The following PPP1R3B variants were observed in gnomAD, a reference collection of about 807,000 sequenced individuals.
The protein encoded by PPP1R3B is protein phosphatase 1 regulatory subunit 3B, also known as PP1 subunit R4.
In PPP1R3B, 8 loss-of-function variants were observed where a neutral mutation model predicts 14.6. The ratio of observed to expected loss-of-function variants is 0.55; its 90% CI spans 0.32 to 0.99. The LOEUF is 0.99. PPP1R3B is among the 50% of genes least tolerant of loss of function. The probability of loss-of-function intolerance (pLI) is 0.04; values close to 1 mark genes in which losing one functional copy is unlikely to be tolerated. For missense variants in PPP1R3B, 452 were observed against 360.1 expected, an observed-to-expected ratio of 1.26 and a Z score of -2.07; for synonymous variants, 169 against 142.0, an observed-to-expected ratio of 1.19 and a Z score of -1.35.
At chr8:9,143,454 A>G (rs1801149758) in intron 1 of PPP1R3B, among the ~76,000 whole-genome samples, 1 of 152,304 alleles carries the variant, frequency 6.6e-6, no homozygotes, top group South Asian at 2.1e-4. Context: ...TGTAATCCCA[A>G]CACTTTGGGA....
chr8:9,150,169 C>T (rs920681166), intron 1 of PPP1R3B, among the ~76,000 whole-genome samples: 91 of 152,178 alleles, frequency 6.0e-4, no homozygotes, highest in Non-Finnish European at 1.0e-4. Flanking sequence ...CCTCTTCCTC[C>T]CAGACCAAAG....
intron 1 of PPP1R3B, among the ~76,000 whole-genome samples, chr8:9,143,357 G>T (rs371883302): frequency 6.6e-6 from 1 of 152,170 alleles, no homozygotes; most frequent in African/African-American, 2.4e-5. Context: ...ACACAAACCT[G>T]CTTTCATTAA....
intron 1 of PPP1R3B, among the ~76,000 whole-genome samples, chr8:9,142,882 A>T (rs1310278607): frequency 1.3e-5 from 2 of 152,188 alleles, no homozygotes; most frequent in Non-Finnish European, 2.9e-5. Flanking sequence ...GTGTTTATAT[A>T]CCATGTTTTC....
At chr8:9,143,703 AT>A (rs202081668) in intron 1 of PPP1R3B, among the ~76,000 whole-genome samples, 2,353 of 152,308 alleles carry the variant, frequency 0.015, 55 homozygotes, top group African/African-American at 0.054. Flanking sequence ...CTCAAAAAAA[AT>A]AAAAATAAAT....
rs2117591435 is a variant in PPP1R3B, at chr8:9,138,687, G to A, written c.*2107C>T. ...TCTGCCTCCAAATCCAGGCAACTGTGCTTCCACTCCTCTTCTTGCTTGCCT... is the reference window on the plus strand; with the variant it reads ...TCTGCCTCCAAATCCAGGCAACTGTACTTCCACTCCTCTTCTTGCTTGCCT... On this transcript the variant is annotated 3_prime_UTR_variant, in exon 2 of 2. Coordinates refer to ENST00000310455, the MANE Select transcript of PPP1R3B (RefSeq NM_024607.4). The A allele has an allele frequency of 6.6e-6, 1 of 152,308 alleles. No homozygotes were observed. The highest frequency in any genetic ancestry group is 3.4e-3 in the Middle Eastern group (1 of 294). The allele number at this position is 152,308 out of a possible 1,614,324, so 9.4% of individuals were successfully genotyped here. A position where few individuals can be genotyped will look rare whatever the true frequency, so the allele number is the denominator to read the frequency against.
Position 9,140,481 on chromosome 8 carries a change from C to A in PPP1R3B, c.*313G>T. 2.7e-6 allele frequency: 1 copy of A among 371,278 alleles called. No individual in the cohort carries two copies. Among genetic ancestry groups the A allele is most frequent in the Non-Finnish European group, 5.0e-6 (1 of 200,148 alleles). 23.0% of individuals were successfully genotyped at this position (371,278 alleles called of 1,614,324 possible). A position where few individuals can be genotyped will look rare whatever the true frequency, so the allele number is the denominator to read the frequency against. On this transcript the variant is annotated 3_prime_UTR_variant, in exon 2 of 2. Transcript: ENST00000310455. The stretch of plus-strand genomic sequence containing the variant: ...GAGAGCAGAGGAGAGACTCCTCCAG[C>A]TTCATCAGCACTGGCATAGGCTTGA...
chr8:9,139,395 A>T lies in PPP1R3B; in HGVS notation c.*1399T>A, dbSNP rs1295500480. ...ACCATAAATAAGAACACCCAAGTCCATGTCCCTGGGTGCTGGTAAAGTGTT... is the reference window on the plus strand; with the variant it reads ...ACCATAAATAAGAACACCCAAGTCCTTGTCCCTGGGTGCTGGTAAAGTGTT... On this transcript the variant is annotated 3_prime_UTR_variant, in exon 2 of 2. Transcript: ENST00000310455. The T allele has an allele frequency of 1.3e-5, 2 of 152,230 alleles. No homozygotes were observed. Among genetic ancestry groups the T allele is most frequent in the African/African-American group, 4.8e-5 (2 of 41,472 alleles). The allele number at this position is 152,230 out of a possible 1,614,324, so 9.4% of individuals were successfully genotyped here.
Position 9,136,649 on chromosome 8 carries a change from G to A in PPP1R3B, c.*4145C>T, listed in dbSNP as rs1341418797. On this transcript the variant is annotated 3_prime_UTR_variant, in exon 2 of 2. Coordinates refer to ENST00000310455, the MANE Select transcript of PPP1R3B (RefSeq NM_024607.4). ...ACAGCTGTCCTTCCCAGTTCCACAT[G>A]TGTTGTCTCACTGCAGGAAATTAAG... The A allele has an allele frequency of 2.6e-5, 4 of 152,198 alleles. No individual in the cohort carries two copies. The highest frequency in any genetic ancestry group is 5.9e-5 in the Non-Finnish European group (4 of 68,032). The allele number at this position is 152,198 out of a possible 1,614,324, so 9.4% of individuals were successfully genotyped here. A position where few individuals can be genotyped will look rare whatever the true frequency, so the allele number is the denominator to read the frequency against.
Position 9,137,583 on chromosome 8 carries a change from T to G in PPP1R3B, c.*3211A>C, listed in dbSNP as rs542565666. On this transcript the variant is annotated 3_prime_UTR_variant, in exon 2 of 2. Coordinates refer to ENST00000310455, the MANE Select transcript of PPP1R3B (RefSeq NM_024607.4). ...TACATCAGCGCAGCTCCCGAGGCCT[T>G]CTGAGAATTTCACGGGACAGAACTG... The G allele has an allele frequency of 6.6e-6, 1 of 152,308 alleles. No homozygotes were observed. The highest frequency in any genetic ancestry group is 1.5e-5 in the Non-Finnish European group (1 of 68,128). 9.4% of individuals were successfully genotyped at this position (152,308 alleles called of 1,614,324 possible). A position where few individuals can be genotyped will look rare whatever the true frequency, so the allele number is the denominator to read the frequency against.
chr8:9,146,403 A>G (rs1223188684), intron 1 of PPP1R3B, among the ~76,000 whole-genome samples: 3 of 152,196 alleles, frequency 2.0e-5, no homozygotes, highest in African/African-American at 7.2e-5. Context: ...GACAGGCAAC[A>G]TGCCAAGTGT....
At position 9,137,898 on chromosome 8, in the gene PPP1R3B, G is replaced by C. The variant is rs73663806; in HGVS notation, c.*2896C>G. The stretch of plus-strand genomic sequence containing the variant: ...AGCCAGGGTGAGCTGGGAGAAAGAC[G>C]GGTAGTGGGGAGGGTTTACGGCTGC... On this transcript the variant is annotated 3_prime_UTR_variant, in exon 2 of 2. Transcript: ENST00000310455. 1.3e-5 allele frequency: 2 copies of C among 152,168 alleles called. No individual in the cohort carries two copies. The highest frequency in any genetic ancestry group is 2.9e-5 in the Non-Finnish European group (2 of 68,056). The allele number at this position is 152,168 out of a possible 1,614,324, so 9.4% of individuals were successfully genotyped here. A position where few individuals can be genotyped will look rare whatever the true frequency, so the allele number is the denominator to read the frequency against.
chr8:9,138,780 AAAAC>A lies in PPP1R3B; in HGVS notation c.*2010_*2013del, dbSNP rs1277071787. On this transcript the variant is annotated 3_prime_UTR_variant, in exon 2 of 2. Transcript: ENST00000310455. ...AAAAGAGTCGTTTAACCAAACTCCA[AAAAC>A]AAACAAAAATAGAAAATAAAAAACC... The A allele has an allele frequency of 2.6e-5, 4 of 152,232 alleles. No individual in the cohort carries two copies. Among genetic ancestry groups the A allele is most frequent in the East Asian group, 1.9e-4 (1 of 5,204 alleles). The allele number at this position is 152,232 out of a possible 1,614,324, so 9.4% of individuals were successfully genotyped here.
Position 9,137,961 on chromosome 8 carries a change from A to G in PPP1R3B, c.*2833T>C, listed in dbSNP as rs1270797202. 1 of 152,162 alleles carries G rather than the reference A, an allele frequency of 6.6e-6. No homozygotes were observed. The highest frequency in any genetic ancestry group is 2.4e-5 in the African/African-American group (1 of 41,426). The allele number at this position is 152,162 out of a possible 1,614,324, so 9.4% of individuals were successfully genotyped here. On this transcript the variant is annotated 3_prime_UTR_variant, in exon 2 of 2. Coordinates refer to ENST00000310455, the MANE Select transcript of PPP1R3B (RefSeq NM_024607.4). ...AGTTATCACTGAATTACCATATTTCAAATTTTGACATGGGAATGTCTTAAG... is the reference window on the plus strand; with the variant it reads ...AGTTATCACTGAATTACCATATTTCGAATTTTGACATGGGAATGTCTTAAG...
chr8:9,140,565 C>G lies in PPP1R3B; in HGVS notation c.*229G>C, dbSNP rs775397570. 1.7e-6 allele frequency: 1 copy of G among 578,110 alleles called. No homozygotes were observed. Among genetic ancestry groups the G allele is most frequent in the African/African-American group, 2.1e-5 (1 of 48,560 alleles). The allele number at this position is 578,110 out of a possible 1,614,324, so 35.8% of individuals were successfully genotyped here. The stretch of plus-strand genomic sequence containing the variant: ...ACAGACTCTCGTGGCTGCCACAGTG[C>G]GAAAGCGCGCCAGCCACCACTGCTC... On this transcript the variant is annotated 3_prime_UTR_variant, in exon 2 of 2. Transcript: ENST00000310455.
At position 9,141,331 on chromosome 8, in the gene PPP1R3B, G is replaced by A. The variant is rs1274351127; in HGVS notation, c.321C>T (p.Ser107=). The A allele has an allele frequency of 5.0e-6, 8 of 1,614,046 alleles. No homozygotes were observed. In the Admixed American group the frequency reaches 1.0e-4, roughly 20 times the overall value. Residue 107 remains serine, a synonymous_variant, in exon 2 of 2, where the codon AGC becomes AGT. Coordinates refer to ENST00000310455, the MANE Select transcript of PPP1R3B (RefSeq NM_024607.4). ...DNIVSLTTAE[S]ESFVLDFSQP... ...GGGAAAAATCCAGAACAAAGCTCTC[G>A]CTCTCTGCTGTCGTCAAGCTCACAA...
At position 9,140,418 on chromosome 8, in the gene PPP1R3B, T is replaced by A. The variant is rs1284935018; in HGVS notation, c.*376A>T. 1 of 255,160 alleles carries A rather than the reference T, an allele frequency of 3.9e-6. No individual in the cohort carries two copies. Among genetic ancestry groups the A allele is most frequent in the Non-Finnish European group, 7.5e-6 (1 of 133,188 alleles). The allele number at this position is 255,160 out of a possible 1,614,324, so 15.8% of individuals were successfully genotyped here. On this transcript the variant is annotated 3_prime_UTR_variant, in exon 2 of 2. Coordinates refer to ENST00000310455, the MANE Select transcript of PPP1R3B (RefSeq NM_024607.4). Reference sequence around the variant, plus strand: ...GGGTCTCACGCGAGGTGGCTGGGGCTGAGTGGCTTTTGGCGACTGATGTCC... The same window carrying A: ...GGGTCTCACGCGAGGTGGCTGGGGCAGAGTGGCTTTTGGCGACTGATGTCC...
At position 9,150,646 on chromosome 8, in the gene PPP1R3B, A is replaced by C. The variant is rs1801396822; in HGVS notation, c.-101T>G. The C allele has an allele frequency of 6.6e-6, 1 of 152,288 alleles. No homozygotes were observed. The highest frequency in any genetic ancestry group is 2.4e-5 in the African/African-American group (1 of 41,436). 9.4% of individuals were successfully genotyped at this position (152,288 alleles called of 1,614,324 possible). ...GGGTTGTGGCAAGCGCGACTACGTGAGCGTCGGTGTGTCCGGGAGGCAGGG... is the reference window on the plus strand; with the variant it reads ...GGGTTGTGGCAAGCGCGACTACGTGCGCGTCGGTGTGTCCGGGAGGCAGGG... On this transcript the variant is annotated 5_prime_UTR_variant, in exon 1 of 2. Coordinates refer to ENST00000310455, the MANE Select transcript of PPP1R3B (RefSeq NM_024607.4).
At position 9,139,762 on chromosome 8, in the gene PPP1R3B, G is replaced by A. The variant is rs897429919; in HGVS notation, c.*1032C>T. The A allele has an allele frequency of 6.6e-6, 1 of 152,090 alleles. No individual in the cohort carries two copies. Among genetic ancestry groups the A allele is most frequent in the Non-Finnish European group, 1.5e-5 (1 of 68,032 alleles). 9.4% of individuals were successfully genotyped at this position (152,090 alleles called of 1,614,324 possible). A position where few individuals can be genotyped will look rare whatever the true frequency, so the allele number is the denominator to read the frequency against. On this transcript the variant is annotated 3_prime_UTR_variant, in exon 2 of 2. Transcript: ENST00000310455. Reference sequence around the variant, plus strand: ...GACAGGGTTTCACCGTGTTAGCCAGGATGGTCTCGATCTCCTGACCTCGTG... The same window carrying A: ...GACAGGGTTTCACCGTGTTAGCCAGAATGGTCTCGATCTCCTGACCTCGTG...
At chr8:9,142,467 G>T (rs932063317) in intron 1 of PPP1R3B, 1 of 152,122 alleles carries the variant, frequency 6.6e-6, no homozygotes, top group Non-Finnish European at 1.5e-5. Flanking sequence ...ATACATTGTG[G>T]AATGGCTAAA....
Sources: gnomAD v4.1 joint callset for allele counts (sites outside exome capture counted in the v4.1 genomes callset) on GRCh38, gnomAD v4.1.1 for gene constraint, MANE v1.5 for transcripts, NCBI Gene and HGNC (gene_info 2026-07-23, HGNC 2026-07-21) for gene names.